The following ERICH1 variants were observed in gnomAD, a reference collection of about 807,000 sequenced individuals.
ERICH1 encodes the protein glutamate rich 1, also known as glutamate-rich protein 1.
Under a neutral mutation model 39.6 loss-of-function variants are expected in ERICH1, and 56 were observed. The observed-to-expected ratio is 1.41, with a 90% CI of 1.14 to 1.77. ERICH1 has a LOEUF of 1.77. Ranked by LOEUF, ERICH1 falls within the 40% of genes most tolerant of loss-of-function variation. ERICH1 has a pLI of 0.00. For missense variants in ERICH1, 826 were observed against 575.4 expected (o/e 1.44, Z -4.45); for synonymous variants, 313 against 223.6 (o/e 1.40, Z -3.57).
chr8:635,830 G>T (rs1212359244), intron 3 of ERICH1, among the ~76,000 whole-genome samples: 1 of 152,218 alleles, frequency 6.6e-6, no homozygotes, highest in African/African-American at 2.4e-5. Flanking sequence ...GGGACGGTTG[G>T]CTCACCAAAG....
At chr8:621,347 T>G (rs1309314128) in intron 3 of ERICH1, among the ~76,000 whole-genome samples, 3 of 152,100 alleles carry the variant, frequency 2.0e-5, no homozygotes, top group Non-Finnish European at 4.4e-5. Flanking sequence ...CTTTCTACCT[T>G]AAGACACTAG....
At chr8:668,243 G>C (rs1193875072) in intron 5 of ERICH1, 1 of 330,072 alleles carries the variant, frequency 3.0e-6, no homozygotes, top group Non-Finnish European at 5.8e-6. Context: ...AGGTACCAGA[G>C]AGTTGGAGGT....
chr8:645,954 G>A (rs1276400238), intron 3 of ERICH1, among the ~76,000 whole-genome samples: 1 of 69,898 alleles, frequency 1.4e-5, no homozygotes, highest in East Asian at 2.9e-4. Flanking sequence ...ACATCCGTGA[G>A]ATGCACTGAG....
At chr8:720,603 C>A (rs1192296248) in intron 1 of ERICH1, among the ~76,000 whole-genome samples, 2 of 152,172 alleles carry the variant, frequency 1.3e-5, no homozygotes, top group Non-Finnish European at 2.9e-5. Context: ...TAATTCACGA[C>A]GGTCAACACA....
chr8:663,170 C>T (rs1801684398), downstream of ERICH1, among the ~76,000 whole-genome samples: 1 of 152,236 alleles, frequency 6.6e-6, no homozygotes, highest in Admixed American at 6.5e-5. Context: ...AAGGTTCCAA[C>T]ATGTAGAAGA....
At chr8:730,880 C>G (rs576041807) in intron 1 of ERICH1, among the ~76,000 whole-genome samples, 7 of 152,226 alleles carry the variant, frequency 4.6e-5, no homozygotes, top group Non-Finnish European at 1.0e-4. Context: ...TCGCCTCCGC[C>G]CAGGACCCCA....
rs759894429 is a variant in ERICH1 at position 673,884 on chromosome 8, T to C, written c.468A>G (p.Thr156=). The part of the protein sequence containing the change: ...KSQRQHTDGT[T]ISKNKKRKLK... The stretch of plus-strand genomic sequence containing the variant: ...GTTTCCTTTTTTTATTTTTGCTTAT[T>C]GTGGTGCCATCTGTGTGCTGTCGCT... Residue 156 remains threonine, a synonymous_variant, in exon 4 of 6, where the codon ACA becomes ACG. Coordinates refer to ENST00000262109, the MANE Select transcript of ERICH1 (RefSeq NM_207332.3). 6.2e-7 allele frequency: 1 copy of C among 1,613,694 alleles called. No individual in the cohort carries two copies. Among genetic ancestry groups the C allele is most frequent in the East Asian group, 2.2e-5 (1 of 44,894 alleles).
intron 3 of ERICH1, among the ~76,000 whole-genome samples, chr8:637,324 A>T (rs1269782724): frequency 6.6e-6 from 1 of 152,202 alleles, no homozygotes; most frequent in Admixed American, 6.5e-5. Flanking sequence ...CTGAGTGGGT[A>T]AAAGCCACAG....
chr8:637,848 G>A (rs1417890217), intron 3 of ERICH1, among the ~76,000 whole-genome samples: 1 of 152,224 alleles, frequency 6.6e-6, no homozygotes, highest in Non-Finnish European at 1.5e-5. Context: ...AGCCGTGCGA[G>A]AGCACAGCAG....
chr8:651,502 G>A (rs542972938), intron 3 of ERICH1, among the ~76,000 whole-genome samples: 4 of 152,308 alleles, frequency 2.6e-5, no homozygotes, highest in Non-Finnish European at 5.9e-5. Flanking sequence ...TGGAGAAAAT[G>A]CAGGAGCCAG....
rs974262650 is a variant in ERICH1, at chr8:711,376, TTTGA to T, written c.169+4481_169+4484del. Among the ~76,000 whole-genome samples the T allele has an allele frequency of 8.7e-4, 132 of 152,332 alleles. 1 individual carries two copies. Among genetic ancestry groups the T allele is most frequent in the African/African-American group, 3.1e-3 (127 of 41,574 alleles). ...TGGACATCTACTTATCAATTCTTTCTTTGATTGATCAAGCCTTTGGTGTTGTAGC... is the reference window on the plus strand; with the variant it reads ...TGGACATCTACTTATCAATTCTTTCTTTGATCAAGCCTTTGGTGTTGTAGC... On this transcript the variant is annotated intron_variant, in intron 2 of 5. Coordinates refer to ENST00000262109, the MANE Select transcript of ERICH1 (RefSeq NM_207332.3).
At chr8:699,440 AAT>A (rs1811164476) in intron 2 of ERICH1, among the ~76,000 whole-genome samples, 1 of 152,118 alleles carries the variant, frequency 6.6e-6, no homozygotes. Context: ...CTTCAAGTGA[AAT>A]CAGTGTAAAA....
chr8:701,470 T>A (rs1457354956), intron 2 of ERICH1, among the ~76,000 whole-genome samples: 2 of 152,208 alleles, frequency 1.3e-5, no homozygotes, highest in Non-Finnish European at 2.9e-5. Flanking sequence ...GGGAGCATGC[T>A]GTACCCCAGA....
intron 5 of ERICH1, chr8:666,554 C>CGCG (rs1312391006): frequency 4.6e-5 from 7 of 152,712 alleles, no homozygotes; most frequent in African/African-American, 1.7e-4. Flanking sequence ...TTCCGTCGCC[C>CGCG]GCGGGCCCTG....
At chr8:670,489 G>T (rs985541601) in intron 4 of ERICH1, among the ~76,000 whole-genome samples, 2 of 152,140 alleles carry the variant, frequency 1.3e-5, no homozygotes, top group Non-Finnish European at 2.9e-5. Context: ...AGTAGAGGGG[G>T]ATCCCCTGGA....
At chr8:701,739 T>C (rs1812196772) in intron 2 of ERICH1, among the ~76,000 whole-genome samples, 1 of 152,164 alleles carries the variant, frequency 6.6e-6, no homozygotes, top group Admixed American at 6.5e-5. Context: ...AACTATGAAA[T>C]TAAAGATGAT....
intron 2 of ERICH1, among the ~76,000 whole-genome samples, chr8:697,217 G>C (rs1329094438): frequency 6.6e-6 from 1 of 152,186 alleles, no homozygotes; most frequent in Non-Finnish European, 1.5e-5. Flanking sequence ...TTGGTGCTGA[G>C]GCTCCCGTCC....
chr8:690,099 G>A (rs1240998998), intron 3 of ERICH1, among the ~76,000 whole-genome samples: 1 of 152,274 alleles, frequency 6.6e-6, no homozygotes, highest in East Asian at 1.9e-4. Context: ...ACAAGAGGAG[G>A]AGTACGTGCA....
chr8:621,115 G>T (rs1406029491), intron 3 of ERICH1, among the ~76,000 whole-genome samples: 1 of 152,126 alleles, frequency 6.6e-6, no homozygotes, highest in South Asian at 2.1e-4. Context: ...GTAATAGGAA[G>T]AAACTTGGGA....
Sources: gnomAD v4.1 joint callset for allele counts (sites outside exome capture counted in the v4.1 genomes callset) on GRCh38, gnomAD v4.1.1 for gene constraint, MANE v1.5 for transcripts, NCBI Gene and HGNC (gene_info 2026-07-23, HGNC 2026-07-21) for gene names.